Variants in GLIS1 observed in about 807,000 individuals in gnomAD.
GLIS1 encodes the protein GLIS family zinc finger 1, also known as zinc finger protein GLIS1.
Under a neutral mutation model 63.8 loss-of-function variants are expected in GLIS1, and 24 were observed. The observed-to-expected ratio is 0.38, with a 90% CI of 0.27 to 0.53. The LOEUF (loss-of-function observed/expected upper bound fraction) is 0.53, where lower values mean the gene tolerates loss of function less well. Ranked by LOEUF, GLIS1 falls within the 20% of genes least tolerant of loss-of-function variation. The pLI is 0.85. For synonymous variants in GLIS1, 450 were observed against 482.5 expected (o/e 0.93, Z 0.88); for missense variants, 1,036 against 1,074.1 (o/e 0.96, Z 0.50).
At chr1:53,508,071 G>A (rs764701593) in intron 10 of GLIS1, among the ~76,000 whole-genome samples, 12 of 152,242 alleles carry the variant, frequency 7.9e-5, no homozygotes, top group African/African-American at 9.6e-5. Flanking sequence ...ACAAGCACAC[G>A]TCTGTGGAAA....
intron 2 of GLIS1, among the ~76,000 whole-genome samples, chr1:53,658,672 C>T (rs1056865095): frequency 2.0e-5 from 3 of 152,180 alleles, no homozygotes; most frequent in Non-Finnish European, 2.9e-5. Flanking sequence ...CCGAAGCTGC[C>T]CCTTGCACTC....
intron 2 of GLIS1, among the ~76,000 whole-genome samples, chr1:53,668,419 T>A (rs997899007): frequency 4.6e-5 from 7 of 152,226 alleles, no homozygotes; most frequent in African/African-American, 1.7e-4. Flanking sequence ...TGCAGTGCAG[T>A]GGCATGATCT....
intron 2 of GLIS1, among the ~76,000 whole-genome samples, chr1:53,603,313 G>T (rs534378081): frequency 6.6e-6 from 1 of 152,274 alleles, no homozygotes; most frequent in East Asian, 1.9e-4. Context: ...GGGACACTGA[G>T]CACCAGGGCC....
intron 2 of GLIS1, among the ~76,000 whole-genome samples, chr1:53,643,552 G>A (rs999934712): frequency 6.6e-6 from 1 of 152,186 alleles, no homozygotes; most frequent in African/African-American, 2.4e-5. Context: ...AGGGAGCAAG[G>A]AGGCAGACTC....
intron 2 of GLIS1, among the ~76,000 whole-genome samples, chr1:53,632,995 GTGAC>G (rs1486751291): frequency 6.7e-6 from 1 of 148,976 alleles, no homozygotes; most frequent in African/African-American, 2.5e-5. Flanking sequence ...GTGAATGAGT[GTGAC>G]TGAGGGGTGT....
At chr1:53,597,426 C>T (rs1197018309) in intron 3 of GLIS1, among the ~76,000 whole-genome samples, 1 of 150,956 alleles carries the variant, frequency 6.6e-6, no homozygotes, top group Non-Finnish European at 1.5e-5. Context: ...AGCACACCAC[C>T]ATTGTTTTTT....
intron 2 of GLIS1, among the ~76,000 whole-genome samples, chr1:53,609,605 TCTC>T (rs1208335856): frequency 6.6e-6 from 1 of 152,248 alleles, no homozygotes; most frequent in Non-Finnish European, 1.5e-5. Flanking sequence ...CTAGGTTTTC[TCTC>T]CTTTCTTACC....
At chr1:53,514,180 T>C (rs1569722189) in intron 8 of GLIS1, among the ~76,000 whole-genome samples, 1 of 152,188 alleles carries the variant, frequency 6.6e-6, no homozygotes, top group Admixed American at 6.5e-5. Flanking sequence ...CCAGCTGCAG[T>C]GGCTGGAGGT....
chr1:53,666,034 T>G (rs936302420), intron 2 of GLIS1, among the ~76,000 whole-genome samples: 1 of 152,066 alleles, frequency 6.6e-6, no homozygotes, highest in African/African-American at 2.4e-5. Flanking sequence ...TAGTCACAAA[T>G]TTAAAAAGTG....
intron 2 of GLIS1, among the ~76,000 whole-genome samples, chr1:53,676,807 C>T (rs1350747735): frequency 6.6e-6 from 1 of 151,016 alleles, no homozygotes; most frequent in Non-Finnish European, 1.5e-5. Context: ...GGCTGTATCC[C>T]TCCCCATCAG....
At chr1:53,640,622 T>C (rs909711308) in intron 2 of GLIS1, among the ~76,000 whole-genome samples, 1 of 152,168 alleles carries the variant, frequency 6.6e-6, no homozygotes, top group Non-Finnish European at 1.5e-5. Context: ...CTCTGAGCAC[T>C]TCACTTGGAC....
chr1:53,529,704 A>G (rs1039418392), intron 5 of GLIS1, 87 bp downstream of exon 5: 6 of 1,373,940 alleles, frequency 4.4e-6, no homozygotes, highest in Non-Finnish European at 6.0e-6. Context: ...GTGGGGCTAC[A>G]GGGTAAGGCA....
At chr1:53,645,173 TC>T (rs921468915) in intron 2 of GLIS1, among the ~76,000 whole-genome samples, 1 of 152,056 alleles carries the variant, frequency 6.6e-6, no homozygotes, top group African/African-American at 2.4e-5. Flanking sequence ...AGAATGCTTC[TC>T]CCCCCCAGAC....
At chr1:53,676,343 T>C (rs1646212205) in intron 2 of GLIS1, among the ~76,000 whole-genome samples, 1 of 152,128 alleles carries the variant, frequency 6.6e-6, no homozygotes, top group Non-Finnish European at 1.5e-5. Flanking sequence ...CTGAGAAGCA[T>C]CCACCCTTCC....
intron 2 of GLIS1, among the ~76,000 whole-genome samples, chr1:53,709,848 C>T (rs1646627884): frequency 6.6e-6 from 1 of 152,142 alleles, no homozygotes; most frequent in Non-Finnish European, 1.5e-5. Context: ...TTCACACAGA[C>T]GGGCATGAAG....
intron 5 of GLIS1, 123 bp downstream of exon 5, chr1:53,529,668 C>T (rs1159457707): frequency 3.0e-6 from 3 of 1,015,280 alleles, no homozygotes; most frequent in Middle Eastern, 3.2e-4. Flanking sequence ...CACTGCCCTG[C>T]CAAGCATCTC....
chr1:53,570,185 T>C (rs1263417994), intron 4 of GLIS1, among the ~76,000 whole-genome samples: 1 of 152,010 alleles, frequency 6.6e-6, no homozygotes, highest in Non-Finnish European at 1.5e-5. Context: ...TTATAATAGA[T>C]AGTTTACTGA....
At chr1:53,621,803 T>C (rs1190083979) in intron 2 of GLIS1, among the ~76,000 whole-genome samples, 1 of 152,096 alleles carries the variant, frequency 6.6e-6, no homozygotes, top group Non-Finnish European at 1.5e-5. Context: ...CAGACATCAA[T>C]GTTTCATACA....
intron 2 of GLIS1, among the ~76,000 whole-genome samples, chr1:53,682,156 T>C (rs1040713720): frequency 1.1e-4 from 17 of 152,204 alleles, no homozygotes; most frequent in Non-Finnish European, 1.5e-5. Context: ...CTTCCTGTTG[T>C]AAAGGTGAGG....
Sources: allele counts gnomAD v4.1 joint callset (sites outside exome capture counted in the v4.1 genomes callset), GRCh38; gene constraint gnomAD v4.1.1; transcripts MANE v1.5; gene names NCBI Gene and HGNC (gene_info 2026-07-23, HGNC 2026-07-21).